The following ASTN2 variants were observed in gnomAD, a reference collection of about 807,000 sequenced individuals.
The protein encoded by ASTN2 is astrotactin-2.
A neutral mutation model predicts 139.8 loss-of-function variants in ASTN2; 54 were observed. That is an observed-to-expected ratio of 0.39 (90% confidence interval 0.31 to 0.48). The LOEUF is 0.48. Among genes scored for constraint, ASTN2 ranks in the 20% least tolerant of loss-of-function variants. ASTN2 has a pLI of 0.95. For missense variants in ASTN2, 1,565 were observed against 1,725.1 expected (o/e 0.91, Z 1.64); for synonymous variants, 756 against 719.5 (o/e 1.05, Z -0.81).
chr9:117,020,468 C>G (rs1359581648), intron 6 of ASTN2, among the ~76,000 whole-genome samples: 1 of 151,976 alleles, frequency 6.6e-6, no homozygotes, highest in East Asian at 1.9e-4. Flanking sequence ...CTCACTCTTG[C>G]CTTTGTCCTC....
At chr9:116,815,097 C>T (rs1831273651) in intron 12 of ASTN2, among the ~76,000 whole-genome samples, 1 of 152,158 alleles carries the variant, frequency 6.6e-6, no homozygotes, top group Admixed American at 6.5e-5. Context: ...AAACAAGTGC[C>T]TGAATGAATT....
At chr9:116,860,256 A>C (rs2132335627) in intron 11 of ASTN2, among the ~76,000 whole-genome samples, 1 of 152,330 alleles carries the variant, frequency 6.6e-6, no homozygotes, top group South Asian at 2.1e-4. Flanking sequence ...ATGGAACAGA[A>C]ATGAAATGAA....
chr9:116,655,119 G>A (rs1858134539), intron 16 of ASTN2, among the ~76,000 whole-genome samples: 1 of 152,112 alleles, frequency 6.6e-6, no homozygotes. Flanking sequence ...CCAAAATAAG[G>A]AAAGGGACTT....
intron 19 of ASTN2, among the ~76,000 whole-genome samples, chr9:116,595,181 A>T (rs1343843227): frequency 6.6e-6 from 1 of 152,246 alleles, no homozygotes; most frequent in Admixed American, 6.5e-5. Flanking sequence ...TGATGATTAT[A>T]TAGGATAACT....
intron 22 of ASTN2, among the ~76,000 whole-genome samples, chr9:116,430,126 T>C (rs532159575): frequency 7.2e-5 from 11 of 152,318 alleles, no homozygotes; most frequent in Admixed American, 5.9e-4. Flanking sequence ...TCTGATTAGA[T>C]AGTCACAGAA....
At chr9:117,406,509 C>T (rs1830993725) in intron 1 of ASTN2, among the ~76,000 whole-genome samples, 1 of 152,104 alleles carries the variant, frequency 6.6e-6, no homozygotes, top group South Asian at 2.1e-4. Flanking sequence ...CACTTGTTCA[C>T]TGCATTCCAG....
chr9:116,831,426 T>C (rs1244742728), intron 11 of ASTN2, among the ~76,000 whole-genome samples: 1 of 152,102 alleles, frequency 6.6e-6, no homozygotes, highest in African/African-American at 2.4e-5. Context: ...TAAGTCCTTC[T>C]TTAGAACATT....
intron 1 of ASTN2, among the ~76,000 whole-genome samples, chr9:117,409,886 C>T (rs1831113808): frequency 6.6e-6 from 1 of 152,218 alleles, no homozygotes; most frequent in Non-Finnish European, 1.5e-5. Context: ...CTTCAAGGAA[C>T]ATTTGCTGAC....
At chr9:116,790,038 G>T (rs947307284) in intron 13 of ASTN2, among the ~76,000 whole-genome samples, 4 of 147,752 alleles carry the variant, frequency 2.7e-5, no homozygotes, top group African/African-American at 1.0e-4. Context: ...CGATTCTCCT[G>T]CCTCAGCCTC....
intron 5 of ASTN2, among the ~76,000 whole-genome samples, chr9:117,081,965 T>C (rs148346868): frequency 6.6e-6 from 1 of 152,316 alleles, no homozygotes; most frequent in African/African-American, 2.4e-5. Flanking sequence ...TCTTACATGA[T>C]CTTGAGTAAA....
rs1017363428 is a variant in ASTN2 at position 116,570,056 on chromosome 9, T to C, written c.3355+48268A>G. Among the ~76,000 whole-genome samples the C allele has an allele frequency of 4.6e-5, 7 of 152,218 alleles. No individual in the cohort carries two copies. The South Asian group carries it at 1.2e-3, about 27-fold the overall frequency. On this transcript the variant is annotated intron_variant, in intron 19 of 22. Transcript: ENST00000313400. Reference sequence around the variant, plus strand: ...AAAAGTCAGGGGGCTTTGAAGCAGATTACTCGGTTCGAATCTGGGCTCCCT... The same window carrying C: ...AAAAGTCAGGGGGCTTTGAAGCAGACTACTCGGTTCGAATCTGGGCTCCCT...
At chr9:117,267,673 T>C (rs1372690903) in intron 2 of ASTN2, among the ~76,000 whole-genome samples, 1 of 152,146 alleles carries the variant, frequency 6.6e-6, no homozygotes, top group East Asian at 1.9e-4. Flanking sequence ...CCCAATGGTG[T>C]GGTTACAAGC....
At chr9:117,097,610 A>G (rs774258711) in intron 4 of ASTN2, among the ~76,000 whole-genome samples, 4 of 152,176 alleles carry the variant, frequency 2.6e-5, no homozygotes, top group Non-Finnish European at 5.9e-5. Flanking sequence ...ATGGAGAATT[A>G]AGTGCCTGAA....
intron 5 of ASTN2, among the ~76,000 whole-genome samples, chr9:117,089,591 T>C (rs767733119): frequency 4.6e-5 from 7 of 152,128 alleles, no homozygotes; most frequent in Non-Finnish European, 8.8e-5. Flanking sequence ...GAATAAGTTC[T>C]TTAGTGGTGA....
At chr9:117,040,553 G>A (rs1364786232) in intron 5 of ASTN2, among the ~76,000 whole-genome samples, 1 of 152,186 alleles carries the variant, frequency 6.6e-6, no homozygotes, top group Non-Finnish European at 1.5e-5. Context: ...CCGCCACACG[G>A]GTTCAAGTGA....
intron 11 of ASTN2, among the ~76,000 whole-genome samples, chr9:116,860,156 G>A (rs1368008426): frequency 1.3e-5 from 2 of 152,138 alleles, no homozygotes; most frequent in African/African-American, 2.4e-5. Context: ...GGCCTTACAG[G>A]TACATTGGCC....
chr9:117,017,007 AT>A (rs1431543558), intron 6 of ASTN2, among the ~76,000 whole-genome samples: 1 of 151,556 alleles, frequency 6.6e-6, no homozygotes, highest in African/African-American at 2.4e-5. Context: ...GCATGCCTTT[AT>A]GTATCTACGG....
At chr9:116,455,537 C>G (rs1247979039) in intron 20 of ASTN2, among the ~76,000 whole-genome samples, 1 of 151,842 alleles carries the variant, frequency 6.6e-6, no homozygotes, top group Admixed American at 6.6e-5. Flanking sequence ...AAACATAAGA[C>G]TATTCTCATG....
At chr9:117,343,330 A>G (rs181738932) in intron 1 of ASTN2, among the ~76,000 whole-genome samples, 9 of 152,298 alleles carry the variant, frequency 5.9e-5, no homozygotes, top group African/African-American at 2.2e-4. Context: ...TCTGCTCTAA[A>G]TTCACTTGTA....
Sources: gnomAD v4.1 joint callset for allele counts (sites outside exome capture counted in the v4.1 genomes callset) on GRCh38, gnomAD v4.1.1 for gene constraint, MANE v1.5 for transcripts, NCBI Gene and HGNC (gene_info 2026-07-23, HGNC 2026-07-21) for gene names.